Variants in TENM3 observed in about 807,000 individuals in gnomAD.
TENM3 encodes the protein teneurin-3.
In TENM3, 63 loss-of-function variants were observed where a neutral mutation model predicts 255.1. The ratio of observed to expected loss-of-function variants is 0.25; its 90% CI spans 0.20 to 0.30. The LOEUF (loss-of-function observed/expected upper bound fraction) is 0.30, where lower values mean the gene tolerates loss of function less well. TENM3 is among the 10% of genes least tolerant of loss of function. TENM3 has a pLI of 1.00. For synonymous variants in TENM3, 1,306 were observed against 1,322.3 expected (o/e 0.99, Z 0.27); for missense variants, 2,929 against 3,461.1 (o/e 0.85, Z 3.86).
At chr4:181,803,942 A>C in the TENM3 span, among the ~76,000 whole-genome samples, 1 of 108,570 alleles carries the variant, frequency 9.2e-6, no homozygotes, top group African/African-American at 2.9e-5. Context: ...ATCTCAACAA[A>C]AAAAAAAAAA....
At chr4:182,310,788 C>G (rs540616585) in intron 1 of TENM3, among the ~76,000 whole-genome samples, 1 of 151,854 alleles carries the variant, frequency 6.6e-6, no homozygotes, top group East Asian at 2.0e-4. Flanking sequence ...CTCACTGCAG[C>G]CTCCGTCTCC....
chr4:181,592,019 C>T, the TENM3 span, among the ~76,000 whole-genome samples: 1 of 151,578 alleles, frequency 6.6e-6, no homozygotes, highest in African/African-American at 2.4e-5. Context: ...GAAATGAAAA[C>T]TAATCTTCAG....
the TENM3 span, among the ~76,000 whole-genome samples, chr4:181,699,715 C>A: frequency 0.013 from 1,924 of 152,108 alleles, 51 homozygotes; most frequent in African/African-American, 0.044. Flanking sequence ...GATTTTGTTT[C>A]CTTTTGTAAC....
Position 182,600,944 on chromosome 4 carries a change from G to A in TENM3, c.532G>A (p.Gly178Ser). 7.6e-7 allele frequency: 1 copy of A among 1,310,388 alleles called. No homozygotes were observed. The highest frequency in any genetic ancestry group is 1.2e-5 in the South Asian group (1 of 80,872). 81.2% of individuals were successfully genotyped at this position (1,310,388 alleles called of 1,614,324 possible). The change falls in exon 4 of 28, where the codon GGC becomes AGC. Residue 178 changes from glycine to serine, a missense_variant. By Grantham distance (56) the Gly-to-Ser change is moderately conservative. Transcript: ENST00000511685. Reference sequence around the variant, plus strand: ...TTCAGAGCAACCTGCAAGCAATCAAGGCCAGTCTACCCTGCAGCCCTTGCC... The same window carrying A: ...TTCAGAGCAACCTGCAAGCAATCAAAGCCAGTCTACCCTGCAGCCCTTGCC... Reference protein sequence around the residue: ...SENEQPASNQGQSTLQPLPPS... With the variant: ...SENEQPASNQSQSTLQPLPPS...
chr4:181,493,560 T>C, the TENM3 span, among the ~76,000 whole-genome samples: 1 of 151,866 alleles, frequency 6.6e-6, no homozygotes, highest in African/African-American at 2.4e-5. Context: ...AAACCCCGTC[T>C]CTAGTAAAAA....
chr4:181,538,272 C>A, the TENM3 span, among the ~76,000 whole-genome samples: 1 of 152,160 alleles, frequency 6.6e-6, no homozygotes. Context: ...TGGCTTGTAG[C>A]AAGCATGGCC....
At chr4:182,529,784 C>T (rs1328071049) in intron 3 of TENM3, among the ~76,000 whole-genome samples, 1 of 152,168 alleles carries the variant, frequency 6.6e-6, no homozygotes, top group African/African-American at 2.4e-5. Context: ...GCCACTGACA[C>T]CAAAGTCATG....
chr4:182,774,972 A>T lies in TENM3; in HGVS notation c.5123A>T (p.Tyr1708Phe). 6.2e-7 allele frequency: 1 copy of T among 1,613,934 alleles called. No individual in the cohort carries two copies. The highest frequency in any genetic ancestry group is 8.5e-7 in the Non-Finnish European group (1 of 1,179,848). ...TATGACGGCTCCCTCAGAATTATCTACGCCAGTGGCCTGGACTCACACTAC... is the reference window on the plus strand; with the variant it reads ...TATGACGGCTCCCTCAGAATTATCTTCGCCAGTGGCCTGGACTCACACTAC... ...IGYDGSLRII[Y>F]ASGLDSHYQT... Residue 1708 changes from tyrosine to phenylalanine, a missense_variant, in exon 24 of 28, where the codon TAC (tyrosine) becomes TTC (phenylalanine). By Grantham distance (22) the Tyr-to-Phe change is conservative. Around this residue, in one of 6 missense-constraint regions of TENM3, gnomAD observed 303 missense variants for 425.2 expected, o/e 0.71. Coordinates refer to ENST00000511685, the MANE Select transcript of TENM3 (RefSeq NM_001080477.4).
intron 6 of TENM3, among the ~76,000 whole-genome samples, chr4:182,669,083 C>A (rs2309774): frequency 0.65 from 98,801 of 151,858 alleles, 32,502 homozygotes; most frequent in East Asian, 0.9. Context: ...AATGAGTCTA[C>A]ATATAAACTA....
At chr4:182,749,040 T>C (rs1410618039) in intron 19 of TENM3, among the ~76,000 whole-genome samples, 1 of 152,178 alleles carries the variant, frequency 6.6e-6, no homozygotes, top group East Asian at 1.9e-4. Flanking sequence ...AGCTTATCAC[T>C]TGAATGTCCA....
chr4:182,064,329 A>G, the TENM3 span, among the ~76,000 whole-genome samples: 3 of 152,302 alleles, frequency 2.0e-5, no homozygotes, highest in East Asian at 5.8e-4. Flanking sequence ...CTGTAATCCC[A>G]GCACTTTGGG....
intron 5 of TENM3, among the ~76,000 whole-genome samples, chr4:182,641,531 TG>T (rs1322535192): frequency 1.3e-5 from 2 of 148,292 alleles, no homozygotes; most frequent in Non-Finnish European, 3.0e-5. Context: ...TTTTTTTTGT[TG>T]TTTTTTTTTT....
chr4:182,193,292 CTG>C (rs1364986210), intron 1 of TENM3, among the ~76,000 whole-genome samples: 40 of 152,150 alleles, frequency 2.6e-4, no homozygotes, highest in Non-Finnish European at 2.9e-5. Context: ...TTCAGACTGA[CTG>C]TGTTTCCCAG....
At chr4:182,381,556 C>T (rs1338433046) in intron 3 of TENM3, among the ~76,000 whole-genome samples, 5 of 131,148 alleles carry the variant, frequency 3.8e-5, no homozygotes, top group Admixed American at 1.6e-4. Context: ...CCCCTCCCCT[C>T]TTCTCCCCTC....
At chr4:181,860,790 CAT>C in the TENM3 span, among the ~76,000 whole-genome samples, 1 of 152,148 alleles carries the variant, frequency 6.6e-6, no homozygotes, top group African/African-American at 2.4e-5. Context: ...TAGAAGGAAT[CAT>C]AGTTTTTTTA....
intron 2 of TENM3, among the ~76,000 whole-genome samples, chr4:182,326,531 CATT>C (rs901208928): frequency 9.2e-5 from 14 of 151,828 alleles, no homozygotes; most frequent in African/African-American, 2.9e-4. Flanking sequence ...AGTCTATTAT[CATT>C]ATTATTAATT....
At chr4:181,746,075 G>A in the TENM3 span, among the ~76,000 whole-genome samples, 1 of 152,020 alleles carries the variant, frequency 6.6e-6, no homozygotes, top group African/African-American at 2.4e-5. Flanking sequence ...GAGGGTGAGA[G>A]GCAGAGGAAT....
chr4:181,649,073 T>C, the TENM3 span, among the ~76,000 whole-genome samples: 1 of 152,242 alleles, frequency 6.6e-6, no homozygotes, highest in Non-Finnish European at 1.5e-5. Context: ...TTGTGGTTAC[T>C]GTGGGCAAGG....
At chr4:182,278,722 A>G (rs1332713209) in intron 1 of TENM3, among the ~76,000 whole-genome samples, 1 of 151,518 alleles carries the variant, frequency 6.6e-6, no homozygotes. Flanking sequence ...ACATTTCGTG[A>G]TTTGATTAAT....
Sources: gnomAD v4.1 joint callset for allele counts (sites outside exome capture counted in the v4.1 genomes callset) on GRCh38, gnomAD v4.1.1 for gene constraint, gnomAD v4.1.1 regional missense constraint, MANE v1.5 for transcripts, NCBI Gene and HGNC (gene_info 2026-07-23, HGNC 2026-07-21) for gene names.